Variants in NLGN1 observed in about 807,000 individuals in gnomAD.
NLGN1 encodes neuroligin-1.
A neutral mutation model predicts 65.5 loss-of-function variants in NLGN1; 12 were observed. The ratio of observed to expected loss-of-function variants is 0.18; its 90% CI spans 0.12 to 0.30. NLGN1 has a LOEUF of 0.30. Among genes scored for constraint, NLGN1 ranks in the 10% least tolerant of loss-of-function variants. The pLI is 1.00. For synonymous variants in NLGN1, 350 were observed against 359.5 expected, an observed-to-expected ratio of 0.97 and a Z score of 0.30; for missense variants, 750 against 1,007.1, an observed-to-expected ratio of 0.74 and a Z score of 3.46.
At chr3:173,799,210 G>A (rs1303560112) in intron 3 of NLGN1, among the ~76,000 whole-genome samples, 1 of 151,780 alleles carries the variant, frequency 6.6e-6, no homozygotes, top group Non-Finnish European at 1.5e-5. Context: ...AGTGTCGTGT[G>A]TTTGTAATGA....
chr3:173,698,160 T>C (rs558054574), intron 3 of NLGN1, among the ~76,000 whole-genome samples: 1 of 152,330 alleles, frequency 6.6e-6, no homozygotes, highest in East Asian at 1.9e-4. Context: ...GCAGAAGATG[T>C]TGTTCACTGA....
chr3:173,768,999 G>A (rs1364583507), intron 3 of NLGN1, among the ~76,000 whole-genome samples: 2 of 151,980 alleles, frequency 1.3e-5, no homozygotes, highest in East Asian at 3.9e-4. Flanking sequence ...TGAAATCCTG[G>A]ACTCAAGCGA....
intron 4 of NLGN1, among the ~76,000 whole-genome samples, chr3:173,899,845 A>C (rs1737007988): frequency 6.6e-6 from 1 of 152,104 alleles, no homozygotes; most frequent in Non-Finnish European, 1.5e-5. Context: ...TGGATGTTTT[A>C]ATTCCTTTTC....
At chr3:173,987,210 A>G (rs1433432193) in intron 4 of NLGN1, among the ~76,000 whole-genome samples, 2 of 152,186 alleles carry the variant, frequency 1.3e-5, no homozygotes, top group Non-Finnish European at 2.9e-5. Context: ...AATGCAATTT[A>G]TACCTCTTCA....
At chr3:173,418,485 C>T (rs972607959) in intron 1 of NLGN1, among the ~76,000 whole-genome samples, 6 of 152,192 alleles carry the variant, frequency 3.9e-5, no homozygotes, top group South Asian at 2.1e-4. Context: ...GGCAGAAGTT[C>T]GTTGTGCCCT....
In NLGN1 at chr3:173,452,792, G is replaced by A. The variant is rs184023499; in HGVS notation, c.-321+17714G>A. Among the ~76,000 whole-genome samples, 26 of 152,250 alleles carry A rather than the reference G, an allele frequency of 1.7e-4. No individual in the cohort carries two copies. The East Asian group carries it at 2.7e-3, about 16-fold the overall frequency. On this transcript the variant is annotated intron_variant, in intron 2 of 6. Transcript: ENST00000457714. ...GATACCTCAGAAATACTGTGTGTTC[G>A]GTTCCAGACCATCACAATAAAGTGA...
chr3:173,545,661 C>G (rs1213584958), intron 2 of NLGN1, among the ~76,000 whole-genome samples: 1 of 152,116 alleles, frequency 6.6e-6, no homozygotes, highest in Non-Finnish European at 1.5e-5. Context: ...TATTGCAGCA[C>G]TGTTCACAAT....
chr3:173,508,944 G>GCCCA (rs1732477524), intron 2 of NLGN1, among the ~76,000 whole-genome samples: 1 of 152,050 alleles, frequency 6.6e-6, no homozygotes, highest in African/African-American at 2.4e-5. Flanking sequence ...ATTTGTATCA[G>GCCCA]GTGTCTTCTC....
At chr3:173,564,502 C>T (rs1743315348) in intron 2 of NLGN1, among the ~76,000 whole-genome samples, 1 of 152,180 alleles carries the variant, frequency 6.6e-6, no homozygotes, top group Non-Finnish European at 1.5e-5. Flanking sequence ...TGAGTGCTAC[C>T]ATATAACTTG....
chr3:173,722,151 A>G (rs1013778371), intron 3 of NLGN1, among the ~76,000 whole-genome samples: 2 of 151,844 alleles, frequency 1.3e-5, no homozygotes, highest in Non-Finnish European at 2.9e-5. Context: ...ATGGGTTGAT[A>G]GCCTTTGCTG....
chr3:173,397,611 C>G (rs1228579721), upstream of NLGN1, among the ~76,000 whole-genome samples: 1 of 152,118 alleles, frequency 6.6e-6, no homozygotes, highest in Non-Finnish European at 1.5e-5. Context: ...TGGCCTCACT[C>G]TCCCGTTCCC....
At chr3:173,737,340 A>G in intron 3 of NLGN1, among the ~76,000 whole-genome samples, 1 of 152,118 alleles carries the variant, frequency 6.6e-6, no homozygotes, top group South Asian at 2.1e-4. Context: ...TTGTGCAACC[A>G]TCACCACAAT....
At chr3:174,247,227 T>A (rs972265366) in intron 4 of NLGN1, among the ~76,000 whole-genome samples, 2 of 152,244 alleles carry the variant, frequency 1.3e-5, no homozygotes, top group African/African-American at 2.4e-5. Flanking sequence ...TTGACAGAAC[T>A]GTGTCCATTT....
chr3:173,806,553 A>G (rs1291595186), intron 3 of NLGN1, among the ~76,000 whole-genome samples: 1 of 152,130 alleles, frequency 6.6e-6, no homozygotes, highest in Admixed American at 6.6e-5. Context: ...ATCATGGGCT[A>G]TTACATAATA....
intron 3 of NLGN1, among the ~76,000 whole-genome samples, chr3:173,621,782 A>C (rs1291451775): frequency 6.6e-6 from 1 of 152,070 alleles, no homozygotes; most frequent in African/African-American, 2.4e-5. Context: ...ATTGGAAATG[A>C]AATGGTTGGG....
chr3:173,711,078 A>G (rs1768877481), intron 3 of NLGN1, among the ~76,000 whole-genome samples: 2 of 152,244 alleles, frequency 1.3e-5, no homozygotes, highest in Non-Finnish European at 1.5e-5. Context: ...AAGAAGATCC[A>G]TAATTGGTCA....
At chr3:173,535,443 C>T (rs576111617) in intron 2 of NLGN1, among the ~76,000 whole-genome samples, 3 of 152,268 alleles carry the variant, frequency 2.0e-5, no homozygotes, top group East Asian at 3.9e-4. Context: ...TATTAAGTAG[C>T]GTGCATTCTG....
chr3:173,760,121 A>G (rs1194782711), intron 3 of NLGN1, among the ~76,000 whole-genome samples: 5 of 151,930 alleles, frequency 3.3e-5, no homozygotes, highest in Admixed American at 3.3e-4. Context: ...ATTCCTATAA[A>G]ATCACCTCTT....
At chr3:173,864,229 G>A (rs1024792246) in intron 4 of NLGN1, among the ~76,000 whole-genome samples, 1 of 152,108 alleles carries the variant, frequency 6.6e-6, no homozygotes, top group Non-Finnish European at 1.5e-5. Flanking sequence ...CTCCATTTTA[G>A]AAATGAGATA....
Sources: gnomAD v4.1 joint callset for allele counts (sites outside exome capture counted in the v4.1 genomes callset) on GRCh38, gnomAD v4.1.1 for gene constraint, MANE v1.5 for transcripts, NCBI Gene and HGNC (gene_info 2026-07-23, HGNC 2026-07-21) for gene names.